LRBA: variants seen among roughly 807,000 people sequenced by gnomAD.
LRBA encodes LPS responsive beige-like anchor protein, also known as lipopolysaccharide-responsive and beige-like anchor protein.
Under a neutral mutation model 330.0 loss-of-function variants are expected in LRBA, and 176 were observed. The ratio of observed to expected loss-of-function variants is 0.53; its 90% CI spans 0.47 to 0.60. LRBA has a LOEUF of 0.60. Ranked by LOEUF, LRBA falls within the 20% of genes least tolerant of loss-of-function variation. The pLI, the probability that LRBA is intolerant of heterozygous loss-of-function variation, is 0.00. For missense variants in LRBA, 3,259 were observed against 3,444.8 expected, an observed-to-expected ratio of 0.95 and a Z score of 1.35; for synonymous variants, 1,230 against 1,193.0, an observed-to-expected ratio of 1.03 and a Z score of -0.64.
At chr4:150,705,900 T>C (rs952811855) in intron 36 of LRBA, among the ~76,000 whole-genome samples, 2 of 151,948 alleles carry the variant, frequency 1.3e-5, no homozygotes, top group Non-Finnish European at 2.9e-5. Flanking sequence ...AAGATGCTAT[T>C]ATTTTTTAAC....
At chr4:150,673,078 C>T (rs1782211310) in intron 37 of LRBA, among the ~76,000 whole-genome samples, 1 of 152,104 alleles carries the variant, frequency 6.6e-6, no homozygotes, top group Non-Finnish European at 1.5e-5. Context: ...GTTGTATACT[C>T]TTAAGCAAAT....
At chr4:150,928,439 T>C (rs1172443453) in intron 4 of LRBA, 77 bp downstream of exon 4, 10 of 810,820 alleles carry the variant, frequency 1.2e-5, no homozygotes, top group Admixed American at 9.8e-5. Flanking sequence ...TATAATAATA[T>C]CAGTTACTTT....
chr4:150,844,637 T>C (rs762787457), intron 27 of LRBA, 21 bp downstream of exon 27: 27 of 1,580,254 alleles, frequency 1.7e-5, no homozygotes, highest in Admixed American at 3.9e-5. Context: ...TTTTTGAAAA[T>C]TAATTAATCT....
chr4:150,789,380 T>C (rs958868743), intron 34 of LRBA, among the ~76,000 whole-genome samples: 2 of 152,176 alleles, frequency 1.3e-5, no homozygotes, highest in Non-Finnish European at 2.9e-5. Flanking sequence ...TGAATAAAAA[T>C]AGGTGCCTGA....
At chr4:150,765,150 G>A (rs1170550842) in intron 34 of LRBA, among the ~76,000 whole-genome samples, 3 of 151,238 alleles carry the variant, frequency 2.0e-5, no homozygotes, top group South Asian at 4.2e-4. Context: ...ATATTACTAA[G>A]AGAAAGAAAC....
At chr4:150,933,163 G>A (rs1734696588) in intron 2 of LRBA, among the ~76,000 whole-genome samples, 1 of 151,834 alleles carries the variant, frequency 6.6e-6, no homozygotes, top group African/African-American at 2.4e-5. Context: ...CAAGGTGGGT[G>A]GATCACTTGA....
Position 150,844,762 on chromosome 4 carries a change from T to C in LRBA, c.4357A>G (p.Arg1453Gly). 3 of 1,612,920 alleles carry C rather than the reference T, an allele frequency of 1.9e-6. No homozygotes were observed. Among genetic ancestry groups the C allele is most frequent in the Non-Finnish European group, 1.7e-6 (2 of 1,179,218 alleles). The part of the protein sequence containing the change: ...CLRLVCAVAV[R>G]NCLECQQHSQ... ...TGCTGTTGACACTCCAAGCAATTCC[T>C]TACTGCGACTGCACAAACTGTAATT... Residue 1453 changes from arginine (R) to glycine (G), a missense_variant, in exon 27 of 57, where the codon AGG becomes GGG. Transcript: ENST00000651943.
chr4:150,828,922 G>GTGTGTGTGTGTGTGT (rs1560878315), intron 29 of LRBA, among the ~76,000 whole-genome samples: 58 of 106,236 alleles, frequency 5.5e-4, no homozygotes, highest in East Asian at 2.4e-3. Context: ...CTTTTTTGGG[G>GTGTGTGTGTGTGTGT]GTGTGTGTGT....
chr4:150,577,264 A>C (rs1770660392), intron 40 of LRBA, among the ~76,000 whole-genome samples: 1 of 151,996 alleles, frequency 6.6e-6, no homozygotes, highest in South Asian at 2.1e-4. Context: ...TACTTCAATA[A>C]AATTTCATCA....
chr4:150,506,661 C>T (rs1000270078), intron 40 of LRBA, among the ~76,000 whole-genome samples: 2 of 152,200 alleles, frequency 1.3e-5, no homozygotes, highest in Non-Finnish European at 2.9e-5. Context: ...CCTTTGAAAA[C>T]TGGCACAAGA....
chr4:150,378,740 G>A (rs1265186808), intron 47 of LRBA, among the ~76,000 whole-genome samples: 5 of 152,110 alleles, frequency 3.3e-5, no homozygotes, highest in Non-Finnish European at 7.3e-5. Flanking sequence ...TGTAGAGAAA[G>A]CCTGCCATAA....
rs367953071 is a variant in LRBA, at chr4:150,983,626, GTAT to G, written c.216+30798_216+30800del. On this transcript the variant is annotated intron_variant, in intron 2 of 56. Transcript: ENST00000651943. ...CGCCACCATACCTGGCTAACTTTTT[GTAT>G]TTTTTAGTAGATAAAGGGTTTCACC... 2.5e-3 allele frequency among the ~76,000 whole-genome samples: 376 copies of G among 151,566 alleles called. 2 individuals are homozygous for G. The highest frequency in any genetic ancestry group is 8.9e-3 in the African/African-American group (368 of 41,308).
At chr4:150,709,669 A>T (rs1031442102) in intron 36 of LRBA, among the ~76,000 whole-genome samples, 1 of 152,050 alleles carries the variant, frequency 6.6e-6, no homozygotes, top group Non-Finnish European at 1.5e-5. Context: ...ATATGTTATG[A>T]ATAGACATAG....
At chr4:150,997,506 G>A (rs1211971461) in intron 2 of LRBA, among the ~76,000 whole-genome samples, 1 of 152,010 alleles carries the variant, frequency 6.6e-6, no homozygotes, top group Non-Finnish European at 1.5e-5. Context: ...TTCTATGCAG[G>A]TTACTTGTAT....
In LRBA at chr4:150,728,745, T is replaced by C. The variant is rs138804434; in HGVS notation, c.5754+6513A>G. Among the ~76,000 whole-genome samples the C allele has an allele frequency of 6.1e-4, 92 of 151,804 alleles. No individual in the cohort carries two copies. In the East Asian group the frequency reaches 0.017, roughly 28 times the overall value. On this transcript the variant is annotated intron_variant, in intron 36 of 56. Transcript: ENST00000651943. The stretch of plus-strand genomic sequence containing the variant: ...TATGACAGACCCACAACCAGTATCA[T>C]ACTGAATGGAGAAAACTGAAAGCAT...
At position 150,817,204 on chromosome 4, in the gene LRBA, G is replaced by T. The variant is rs1744729494; in HGVS notation, c.5225C>A (p.Thr1742Lys). 2 of 1,611,974 alleles carry T rather than the reference G, an allele frequency of 1.2e-6. No individual in the cohort carries two copies. The highest frequency in any genetic ancestry group is 2.7e-5 in the African/African-American group (2 of 74,816). ...KSAVSPSTFN[T>K]SIPTNAVSVV... ...ACTGACAGCATTGGTAGGTATGCTT[G>T]TATTAAAGGTGGAAGGTGAGACTGC... The change falls in exon 31 of 57, where the codon ACA becomes AAA. Residue 1742 changes from threonine to lysine, a missense_variant. Coordinates refer to ENST00000651943, the MANE Select transcript of LRBA (RefSeq NM_001364905.1).
intron 36 of LRBA, among the ~76,000 whole-genome samples, chr4:150,707,132 T>C (rs1042365676): frequency 6.6e-6 from 1 of 151,708 alleles, no homozygotes; most frequent in Non-Finnish European, 1.5e-5. Context: ...GAAAAATTCA[T>C]CTAACAGTGG....
chr4:150,678,841 G>A (rs921940511), intron 37 of LRBA, among the ~76,000 whole-genome samples: 1 of 152,116 alleles, frequency 6.6e-6, no homozygotes, highest in Non-Finnish European at 1.5e-5. Context: ...GAAAGAATAA[G>A]AATGGGTGTA....
chr4:150,808,630 GAAGC>G (rs965341144), intron 31 of LRBA, among the ~76,000 whole-genome samples: 29 of 152,292 alleles, frequency 1.9e-4, no homozygotes, highest in African/African-American at 6.7e-4. Flanking sequence ...ATGAGCTGAA[GAAGC>G]AAGAGAAAAG....
Sources: allele counts gnomAD v4.1 joint callset (sites outside exome capture counted in the v4.1 genomes callset), GRCh38; gene constraint gnomAD v4.1.1; transcripts MANE v1.5; gene names NCBI Gene and HGNC (gene_info 2026-07-23, HGNC 2026-07-21).